The following SMYD3 variants were observed in gnomAD, a reference collection of about 807,000 sequenced individuals.
The protein encoded by SMYD3 is SET and MYND domain containing 3.
Under a neutral mutation model 57.7 loss-of-function variants are expected in SMYD3, and 36 were observed. The ratio of observed to expected loss-of-function variants is 0.62; its 90% CI spans 0.48 to 0.82. The LOEUF (loss-of-function observed/expected upper bound fraction) is 0.82, where lower values mean the gene tolerates loss of function less well. Ranked by LOEUF, SMYD3 falls within the 40% of genes least tolerant of loss-of-function variation. SMYD3 has a pLI of 0.00. For synonymous variants in SMYD3, 211 were observed against 195.0 expected (o/e 1.08, Z -0.68); for missense variants, 515 against 538.8 (o/e 0.96, Z 0.44).
At chr1:246,357,118 G>A (rs957706653) in intron 1 of SMYD3, among the ~76,000 whole-genome samples, 2 of 152,182 alleles carry the variant, frequency 1.3e-5, no homozygotes, top group South Asian at 2.1e-4. Flanking sequence ...GTGAACCAGG[G>A]CAACTCTATC....
At chr1:246,385,306 C>T (rs2066455897) in intron 1 of SMYD3, among the ~76,000 whole-genome samples, 1 of 152,104 alleles carries the variant, frequency 6.6e-6, no homozygotes, top group Non-Finnish European at 1.5e-5. Context: ...AATTGAAATA[C>T]TTCGGATATG....
chr1:246,467,565 A>G (rs2067898942), intron 1 of SMYD3, among the ~76,000 whole-genome samples: 1 of 152,200 alleles, frequency 6.6e-6, no homozygotes. Context: ...ACTATAGGTC[A>G]ACCAACTCAA....
chr1:246,421,662 G>T (rs1030358227), intron 1 of SMYD3, among the ~76,000 whole-genome samples: 6 of 152,066 alleles, frequency 3.9e-5, no homozygotes, highest in Non-Finnish European at 7.4e-5. Context: ...ATAATACAAA[G>T]CAATTAAAAA....
chr1:246,087,885 T>A (rs1158834859), intron 5 of SMYD3, among the ~76,000 whole-genome samples: 1 of 152,088 alleles, frequency 6.6e-6, no homozygotes, highest in East Asian at 1.9e-4. Context: ...TCTAACCAAC[T>A]ACATCATAGC....
At chr1:246,322,116 A>T (rs924445501) in intron 5 of SMYD3, among the ~76,000 whole-genome samples, 16 of 152,298 alleles carry the variant, frequency 1.1e-4, no homozygotes, top group African/African-American at 3.8e-4. Flanking sequence ...CAGTAATCCC[A>T]GCACTTTGAG....
intron 5 of SMYD3, among the ~76,000 whole-genome samples, chr1:245,961,894 G>A (rs368864450): frequency 5.3e-5 from 8 of 152,248 alleles, no homozygotes; most frequent in Middle Eastern, 3.4e-3. Context: ...GTAAGCTGCC[G>A]GATAAAAGTT....
At chr1:245,936,492 CAT>C (rs2056986062) in intron 5 of SMYD3, among the ~76,000 whole-genome samples, 1 of 152,030 alleles carries the variant, frequency 6.6e-6, no homozygotes, top group South Asian at 2.1e-4. Context: ...AGTCATGAAA[CAT>C]AATCCAGCTG....
At chr1:246,269,529 GTTTCTTTTTT>G (rs1239332847) in intron 5 of SMYD3, among the ~76,000 whole-genome samples, 5 of 127,606 alleles carry the variant, frequency 3.9e-5, no homozygotes, top group Non-Finnish European at 8.6e-5. Context: ...TTTTCTTTCT[GTTTCTTTTTT>G]TTTCTTTTTT....
chr1:245,875,112 G>T lies in SMYD3; in HGVS notation c.814-11226C>A, dbSNP rs181260975. Among the ~76,000 whole-genome samples, 4 of 152,342 alleles carry T rather than the reference G, an allele frequency of 2.6e-5. No homozygotes were observed. The East Asian group carries it at 5.8e-4, about 22-fold the overall frequency. On this transcript the variant is annotated intron_variant, in intron 8 of 11. Coordinates refer to ENST00000490107, the MANE Select transcript of SMYD3 (RefSeq NM_001167740.2). ...ACAGAAAGCACATGTCTGCATTTTT[G>T]ATTCCAGTAAACTCCAGGCTGGCTC...
intron 5 of SMYD3, among the ~76,000 whole-genome samples, chr1:246,046,480 C>T (rs2153023): frequency 0.47 from 71,275 of 151,278 alleles, 18,404 homozygotes; most frequent in East Asian, 0.8. Context: ...TGTCATGGGG[C>T]GGTGGGAGTG....
At chr1:245,965,514 T>G (rs1202992337) in intron 5 of SMYD3, among the ~76,000 whole-genome samples, 1 of 152,180 alleles carries the variant, frequency 6.6e-6, no homozygotes, top group East Asian at 1.9e-4. Context: ...GGTGAACAGG[T>G]AAACTGTGGT....
At chr1:246,002,313 TA>T (rs1249944725) in intron 5 of SMYD3, among the ~76,000 whole-genome samples, 1 of 82,214 alleles carries the variant, frequency 1.2e-5, no homozygotes, top group Non-Finnish European at 3.1e-5. Flanking sequence ...GCCTCCCGAG[TA>T]GCTGGGACTG....
chr1:245,762,167 G>A (rs543093334), intron 11 of SMYD3, among the ~76,000 whole-genome samples: 10 of 152,244 alleles, frequency 6.6e-5, no homozygotes, highest in East Asian at 3.9e-4. Context: ...GCCTCTGTGC[G>A]ACTTTAGGTG....
At chr1:246,427,452 G>A (rs867422879) in intron 1 of SMYD3, among the ~76,000 whole-genome samples, 23 of 150,454 alleles carry the variant, frequency 1.5e-4, no homozygotes, top group Admixed American at 9.2e-4. Context: ...CCCGGGAGGC[G>A]GAGCTTGCAG....
chr1:245,751,712 C>A (rs1257032071), intron 11 of SMYD3, among the ~76,000 whole-genome samples: 1 of 152,234 alleles, frequency 6.6e-6, no homozygotes, highest in African/African-American at 2.4e-5. Flanking sequence ...TGACCCCGCA[C>A]TGGCAGTCTG....
chr1:246,260,892 T>C (rs1223681590), intron 5 of SMYD3, among the ~76,000 whole-genome samples: 1 of 151,892 alleles, frequency 6.6e-6, no homozygotes, highest in African/African-American at 2.4e-5. Flanking sequence ...AGAGAAAAAA[T>C]AAAGGAAACA....
chr1:245,802,428 C>A (rs2047914975), intron 10 of SMYD3, among the ~76,000 whole-genome samples: 1 of 152,198 alleles, frequency 6.6e-6, no homozygotes, highest in African/African-American at 2.4e-5. Flanking sequence ...ATGAAAATAG[C>A]TACTTGATAT....
intron 5 of SMYD3, among the ~76,000 whole-genome samples, chr1:246,307,413 C>CTTTT (rs869254416): frequency 6.2e-4 from 60 of 96,072 alleles, no homozygotes; most frequent in Non-Finnish European, 8.2e-4. Flanking sequence ...TTAGGGGATT[C>CTTTT]TTTTTTTTTT....
chr1:246,266,259 A>C (rs915427682), intron 5 of SMYD3, among the ~76,000 whole-genome samples: 3 of 152,092 alleles, frequency 2.0e-5, no homozygotes, highest in Non-Finnish European at 2.9e-5. Flanking sequence ...CTCTATTGGG[A>C]ATGTCATGCC....
Sources: allele counts gnomAD v4.1 joint callset (sites outside exome capture counted in the v4.1 genomes callset), GRCh38; gene constraint gnomAD v4.1.1; transcripts MANE v1.5; gene names NCBI Gene and HGNC (gene_info 2026-07-23, HGNC 2026-07-21).